CEP128: variants seen among roughly 807,000 people sequenced by gnomAD.
CEP128 encodes centrosomal protein 128kDa.
In CEP128, 132 loss-of-function variants were observed where a neutral mutation model predicts 156.7. The observed-to-expected ratio is 0.84, with a 90% CI of 0.73 to 0.97. The LOEUF is 0.97. CEP128 is among the 50% of genes least tolerant of loss of function. The probability of loss-of-function intolerance (pLI) is 0.00; values close to 1 mark genes in which losing one functional copy is unlikely to be tolerated. For missense variants in CEP128, 1,252 were observed against 1,281.9 expected, an observed-to-expected ratio of 0.98 and a Z score of 0.36; for synonymous variants, 469 against 448.9, an observed-to-expected ratio of 1.04 and a Z score of -0.57.
intron 13 of CEP128, among the ~76,000 whole-genome samples, chr14:80,815,457 C>A (rs116885526): frequency 8.3e-4 from 127 of 152,254 alleles, no homozygotes; most frequent in South Asian, 4.4e-3. Context: ...AATGCTGGTA[C>A]ACTGTTGATG....
chr14:80,795,225 G>A lies in CEP128; in HGVS notation c.1210-2115C>T, dbSNP rs373839850. On this transcript the variant is annotated intron_variant, in intron 13 of 24. Transcript: ENST00000555265. The stretch of plus-strand genomic sequence containing the variant: ...CCCACTGCCATGGTTTTATCTTGGT[G>A]TTTTTATCAGAACTGCCACCTTTAA... 2.0e-4 allele frequency among the ~76,000 whole-genome samples: 31 copies of A among 152,276 alleles called. 5 individuals carry two copies. Among genetic ancestry groups the A allele is most frequent in the Admixed American group, 8.5e-4 (13 of 15,294 alleles).
At chr14:80,673,345 T>A (rs1461040052) in intron 19 of CEP128, among the ~76,000 whole-genome samples, 1 of 152,144 alleles carries the variant, frequency 6.6e-6, no homozygotes, top group East Asian at 1.9e-4. Context: ...TGAGCATTTT[T>A]AAAATGCACT....
chr14:80,509,054 T>C (rs1888121355), intron 23 of CEP128, among the ~76,000 whole-genome samples: 1 of 151,026 alleles, frequency 6.6e-6, no homozygotes, highest in Admixed American at 6.6e-5. Flanking sequence ...AACTGCCACT[T>C]TGAAAACCAT....
downstream of CEP128, among the ~76,000 whole-genome samples, chr14:80,489,026 C>G (rs1300460998): frequency 1.3e-5 from 2 of 151,216 alleles, no homozygotes; most frequent in African/African-American, 4.9e-5. Context: ...GGAGATATAC[C>G]TAATGCTAAA....
intron 19 of CEP128, among the ~76,000 whole-genome samples, chr14:80,624,793 A>T (rs551460580): frequency 2.6e-5 from 4 of 152,088 alleles, no homozygotes; most frequent in African/African-American, 9.6e-5. Flanking sequence ...GAGTTGTCTG[A>T]GTTCTTTACA....
intron 21 of CEP128, among the ~76,000 whole-genome samples, chr14:80,542,672 G>T (rs544729401): frequency 2.0e-4 from 31 of 152,156 alleles, no homozygotes; most frequent in African/African-American, 7.2e-4. Flanking sequence ...ACAATGATGG[G>T]GACACCCAAC....
At chr14:80,570,275 G>A (rs572443801) in intron 20 of CEP128, among the ~76,000 whole-genome samples, 43 of 152,048 alleles carry the variant, frequency 2.8e-4, no homozygotes, top group African/African-American at 9.6e-4. Flanking sequence ...GCATCACCAC[G>A]CCCGGCTAAT....
At chr14:80,748,617 G>C (rs1016107654) in intron 18 of CEP128, among the ~76,000 whole-genome samples, 5 of 152,162 alleles carry the variant, frequency 3.3e-5, no homozygotes, top group Non-Finnish European at 7.3e-5. Flanking sequence ...TTAAAGTAGA[G>C]AGAGGAATCA....
chr14:80,848,692 G>A (rs1197467), intron 9 of CEP128, among the ~76,000 whole-genome samples: 96,707 of 151,484 alleles, frequency 0.64, 31,216 homozygotes, highest in East Asian at 0.79. Flanking sequence ...GAGAAGAAAG[G>A]AAAGAAAGAA....
intron 18 of CEP128, among the ~76,000 whole-genome samples, chr14:80,747,148 G>A (rs1416794986): frequency 6.6e-6 from 1 of 152,204 alleles, no homozygotes; most frequent in Non-Finnish European, 1.5e-5. Context: ...GCACAGCAGT[G>A]CAATTGCTTT....
At position 80,761,519 on chromosome 14, in the gene CEP128, TG is replaced by T; in HGVS notation, c.2470del (p.Gln824ArgfsTer7). The T allele has an allele frequency of 6.2e-7, 1 of 1,613,018 alleles. No homozygotes were observed. Among genetic ancestry groups the T allele is most frequent in the Non-Finnish European group, 8.5e-7 (1 of 1,179,182 alleles). On this transcript the variant is annotated frameshift_variant, in exon 17 of 25. Coordinates refer to ENST00000555265, the MANE Select transcript of CEP128 (RefSeq NM_152446.5). LOFTEE classifies it high-confidence loss of function. Reference sequence around the variant, plus strand: ...TCCTATCACACCAAGAATGGATTCCTGTTCAGTCTCCAAGCAAAGAAGTTGA... The same window carrying T: ...TCCTATCACACCAAGAATGGATTCCTTTCAGTCTCCAAGCAAAGAAGTTGA... ...KDQLLCLETE[Q>X]ESILGVIGKE...
intron 15 of CEP128, among the ~76,000 whole-genome samples, chr14:80,783,362 T>C (rs923318358): frequency 6.6e-6 from 1 of 152,138 alleles, no homozygotes; most frequent in African/African-American, 2.4e-5. Flanking sequence ...TCAAATCCTT[T>C]CCCTACCACT....
At chr14:80,905,353 C>T (rs1205194120) in intron 5 of CEP128, 1 of 155,806 alleles carries the variant, frequency 6.4e-6, no homozygotes, top group Non-Finnish European at 1.4e-5. Flanking sequence ...AAAAATAGTG[C>T]CCAATTTTTA....
intron 2 of CEP128, among the ~76,000 whole-genome samples, chr14:80,949,464 G>A (rs1033206240): frequency 2.6e-5 from 4 of 151,966 alleles, no homozygotes; most frequent in African/African-American, 9.7e-5. Context: ...AAATGAGGCT[G>A]GAGAAAAAAG....
chr14:80,658,728 G>A (rs879537687), intron 19 of CEP128, among the ~76,000 whole-genome samples: 7 of 152,098 alleles, frequency 4.6e-5, no homozygotes, highest in Admixed American at 3.3e-4. Context: ...GAAGAAGTCC[G>A]GTTGATCAAG....
At chr14:80,524,833 T>TGAATAGA (rs1888906167) in intron 23 of CEP128, among the ~76,000 whole-genome samples, 1 of 152,236 alleles carries the variant, frequency 6.6e-6, no homozygotes, top group Non-Finnish European at 1.5e-5. Flanking sequence ...TCTGCAGGTC[T>TGAATAGA]ATTCTATACT....
At chr14:80,647,674 C>T (rs528790217) in intron 19 of CEP128, among the ~76,000 whole-genome samples, 3 of 152,050 alleles carry the variant, frequency 2.0e-5, no homozygotes, top group Non-Finnish European at 2.9e-5. Flanking sequence ...GAGGGGAGGT[C>T]GTCTGGTGAA....
chr14:80,485,965 T>G (rs1034710840), downstream of CEP128, among the ~76,000 whole-genome samples: 3 of 152,212 alleles, frequency 2.0e-5, no homozygotes, highest in Non-Finnish European at 2.9e-5. Context: ...CTGAAGACAC[T>G]GTAAACACAG....
intron 13 of CEP128, among the ~76,000 whole-genome samples, chr14:80,828,223 A>G (rs1408075392): frequency 2.7e-5 from 4 of 150,450 alleles, no homozygotes; most frequent in African/African-American, 9.9e-5. Context: ...CCCAGGTTCA[A>G]GCAATTCTCC....
Sources: gnomAD v4.1 joint callset for allele counts (sites outside exome capture counted in the v4.1 genomes callset) on GRCh38, gnomAD v4.1.1 for gene constraint, MANE v1.5 for transcripts, NCBI Gene and HGNC (gene_info 2026-07-23, HGNC 2026-07-21) for gene names.